The following GRM8 variants were observed in gnomAD, a reference collection of about 807,000 sequenced individuals.
GRM8 encodes metabotropic glutamate receptor 8.
A neutral mutation model predicts 87.2 loss-of-function variants in GRM8; 47 were observed. That is an observed-to-expected ratio of 0.54 (90% CI 0.43 to 0.69). The LOEUF (loss-of-function observed/expected upper bound fraction) is 0.69, where lower values mean the gene tolerates loss of function less well. Among genes scored for constraint, GRM8 ranks in the 30% least tolerant of loss-of-function variants. GRM8 has a pLI of 0.00. For missense variants in GRM8, 1,019 were observed against 1,139.2 expected (o/e 0.89, Z 1.52); for synonymous variants, 396 against 404.5 (o/e 0.98, Z 0.25).
intron 2 of GRM8, among the ~76,000 whole-genome samples, chr7:127,241,695 A>G (rs889168627): frequency 2.0e-5 from 3 of 152,180 alleles, no homozygotes; most frequent in African/African-American, 4.8e-5. Flanking sequence ...TTGGCCTCCC[A>G]AAGTGCTGGG....
intron 8 of GRM8, among the ~76,000 whole-genome samples, chr7:126,591,832 A>G (rs1796698204): frequency 6.6e-6 from 1 of 151,820 alleles, no homozygotes; most frequent in South Asian, 2.1e-4. Flanking sequence ...AAGATCAACA[A>G]AACTAAGAGT....
chr7:127,141,555 A>G (rs1221344778), intron 2 of GRM8, among the ~76,000 whole-genome samples: 3 of 152,190 alleles, frequency 2.0e-5, no homozygotes, highest in Admixed American at 6.5e-5. Flanking sequence ...AGGAAATGAA[A>G]GACTTTCACA....
At chr7:127,099,612 C>T (rs17863212) in intron 3 of GRM8, among the ~76,000 whole-genome samples, 27,851 of 152,000 alleles carry the variant, frequency 0.18, 2,715 homozygotes, top group Middle Eastern at 0.25. Flanking sequence ...AATTCCATAA[C>T]ATTCCAAAAG....
At chr7:126,758,629 G>C (rs1484435443) in intron 7 of GRM8, among the ~76,000 whole-genome samples, 9 of 152,144 alleles carry the variant, frequency 5.9e-5, no homozygotes, top group Non-Finnish European at 1.3e-4. Flanking sequence ...GCACACAATA[G>C]ACATTTAATG....
At chr7:126,469,230 C>A (rs1245760143) in intron 9 of GRM8, among the ~76,000 whole-genome samples, 2 of 152,132 alleles carry the variant, frequency 1.3e-5, no homozygotes, top group Non-Finnish European at 2.9e-5. Flanking sequence ...GATTCTCTAA[C>A]AAATATTTTA....
intron 3 of GRM8, among the ~76,000 whole-genome samples, chr7:127,054,497 T>C (rs1819796004): frequency 6.6e-6 from 1 of 152,158 alleles, no homozygotes; most frequent in Non-Finnish European, 1.5e-5. Flanking sequence ...ATGCAGTCAA[T>C]AATATGCATT....
chr7:127,246,693 A>C (rs1798600590), intron 1 of GRM8, among the ~76,000 whole-genome samples: 1 of 152,158 alleles, frequency 6.6e-6, no homozygotes, highest in African/African-American at 2.4e-5. Flanking sequence ...CTGGACCCCG[A>C]GCCTGTATCC....
intron 7 of GRM8, among the ~76,000 whole-genome samples, chr7:126,714,278 AAATAATAATAATAATAATAATAAT>A (rs143180604): frequency 1.5e-5 from 2 of 137,060 alleles, no homozygotes; most frequent in South Asian, 2.4e-4. Flanking sequence ...ACTCCATCTC[AAATAATAATAATAATAATAATAAT>A]AATAATAATA....
intron 9 of GRM8, among the ~76,000 whole-genome samples, chr7:126,518,869 C>T (rs1256452087): frequency 1.3e-5 from 2 of 151,854 alleles, no homozygotes; most frequent in East Asian, 1.9e-4. Context: ...TCTCATCTTA[C>T]TTGAGGTAAG....
chr7:126,928,411 C>G (rs544669404), intron 3 of GRM8, among the ~76,000 whole-genome samples: 1 of 152,112 alleles, frequency 6.6e-6, no homozygotes, highest in African/African-American at 2.4e-5. Context: ...GTAACTCACA[C>G]CTGTAATCCT....
In GRM8 at chr7:127,242,915, G is replaced by A. The variant is rs1798390603; in HGVS notation, c.290C>T (p.Thr97Ile). Residue 97 changes from threonine to isoleucine, a missense_variant, in exon 2 of 11, where the codon ACT becomes ATT. Physicochemically the swap from Thr to Ile is moderately conservative, Grantham distance 89 (BLOSUM62 -1). Coordinates refer to ENST00000339582, the MANE Select transcript of GRM8 (RefSeq NM_000845.3). ...NKDPDLLSNI[T>I]LGVRILDTCS... ...CGTGTCGAGGATGCGGACACCCAGA[G>A]TGATGTTGGAAAGGAGATCAGGGTC... 1.2e-6 allele frequency: 2 copies of A among 1,614,008 alleles called. No homozygotes were observed. Among genetic ancestry groups the A allele is most frequent in the South Asian group, 1.1e-5 (1 of 91,082 alleles).
intron 3 of GRM8, among the ~76,000 whole-genome samples, chr7:127,063,707 A>C (rs892014331): frequency 6.6e-6 from 1 of 152,138 alleles, no homozygotes; most frequent in Non-Finnish European, 1.5e-5. Context: ...TCTTTCTCTA[A>C]TTCTTGCAGT....
chr7:126,482,333 G>A lies in GRM8; in HGVS notation c.2431-35961C>T, dbSNP rs75152359. ...CACAAAGTATTGAAAGCAGGGTCTTGAGGATATATTTGTATGCCCATGTTG... is the reference window on the plus strand; with the variant it reads ...CACAAAGTATTGAAAGCAGGGTCTTAAGGATATATTTGTATGCCCATGTTG... On this transcript the variant is annotated intron_variant, in intron 9 of 10. Coordinates refer to ENST00000339582, the MANE Select transcript of GRM8 (RefSeq NM_000845.3). Among the ~76,000 whole-genome samples the A allele has an allele frequency of 1.9e-3, 282 of 152,112 alleles. 1 individual carries two copies. The highest frequency in any genetic ancestry group is 6.2e-3 in the African/African-American group (259 of 41,560).
At chr7:126,787,043 T>G (rs1820696601) in intron 6 of GRM8, among the ~76,000 whole-genome samples, 1 of 152,234 alleles carries the variant, frequency 6.6e-6, no homozygotes. Flanking sequence ...TAGTCTCCAG[T>G]GCTTCTTGCT....
intron 9 of GRM8, among the ~76,000 whole-genome samples, chr7:126,475,182 A>T (rs957961981): frequency 6.6e-6 from 1 of 152,200 alleles, no homozygotes; most frequent in Non-Finnish European, 1.5e-5. Flanking sequence ...AGAATGAAAG[A>T]AGTGAAATGA....
intron 3 of GRM8, among the ~76,000 whole-genome samples, chr7:127,093,635 C>A (rs562654528): frequency 5.9e-5 from 9 of 152,342 alleles, no homozygotes; most frequent in Admixed American, 5.9e-4. Context: ...TTTTTCCTCA[C>A]TGCTACAACT....
At chr7:126,592,648 T>C (rs1054602796) in intron 8 of GRM8, among the ~76,000 whole-genome samples, 8 of 151,842 alleles carry the variant, frequency 5.3e-5, no homozygotes, top group South Asian at 2.1e-4. Context: ...ATAAAAAGCA[T>C]GTACATCAAC....
At chr7:126,634,837 T>G (rs377498448) in intron 7 of GRM8, among the ~76,000 whole-genome samples, 1 of 152,194 alleles carries the variant, frequency 6.6e-6, no homozygotes, top group African/African-American at 2.4e-5. Context: ...AGTGATTTTA[T>G]CTCCAAAGCA....
At chr7:126,444,071 G>T (rs1242897479) in intron 10 of GRM8, among the ~76,000 whole-genome samples, 2 of 151,114 alleles carry the variant, frequency 1.3e-5, no homozygotes, top group Non-Finnish European at 3.0e-5. Context: ...CTGGATTGCT[G>T]CTAAAAAAGA....
Sources: allele counts gnomAD v4.1 joint callset (sites outside exome capture counted in the v4.1 genomes callset), GRCh38; gene constraint gnomAD v4.1.1; transcripts MANE v1.5; gene names NCBI Gene and HGNC (gene_info 2026-07-23, HGNC 2026-07-21).